The following PAWR variants were observed in gnomAD, a reference collection of about 807,000 sequenced individuals.
PAWR encodes pro-apoptotic WT1 regulator.
PAWR carries 23 observed loss-of-function variants against 32.0 expected under a neutral mutation model. That is an observed-to-expected ratio of 0.72 (90% CI 0.52 to 1.02). The LOEUF (loss-of-function observed/expected upper bound fraction) is 1.02, where lower values mean the gene tolerates loss of function less well. Among genes scored for constraint, PAWR ranks in the 50% least tolerant of loss-of-function variants. The pLI, the probability that PAWR is intolerant of heterozygous loss-of-function variation, is 0.00. For synonymous variants in PAWR, 226 were observed against 187.1 expected (o/e 1.21, Z -1.70); for missense variants, 457 against 437.7 (o/e 1.04, Z -0.39).
intron 2 of PAWR, among the ~76,000 whole-genome samples, chr12:79,644,647 CCTG>C (rs1272331113): frequency 3.3e-5 from 5 of 152,226 alleles, no homozygotes; most frequent in African/African-American, 1.2e-4. Flanking sequence ...TAGAAAGCTT[CCTG>C]CTTTTTTATT....
In PAWR at chr12:79,585,293, T is replaced by C. The variant is rs1873355607; in HGVS notation, c.*7314A>G. The C allele has an allele frequency of 6.5e-6, 2 of 309,118 alleles. No individual in the cohort carries two copies. Among genetic ancestry groups the C allele is most frequent in the Non-Finnish European group, 1.2e-5 (2 of 161,052 alleles). 19.1% of individuals were successfully genotyped at this position (309,118 alleles called of 1,614,324 possible). On this transcript the variant is annotated 3_prime_UTR_variant, in exon 7 of 7. Coordinates refer to ENST00000328827, the MANE Select transcript of PAWR (RefSeq NM_002583.4). ...AACTTAGGCCTGCATCAAAATTACA[T>C]GAAGCGCTTGTTAAAACAGATTGAG... is the stretch of plus-strand genomic sequence containing the variant.
rs1878954809 is a variant in PAWR at position 79,690,397 on chromosome 12, G to A, written c.-147-6C>T. 8.2e-6 allele frequency: 11 copies of A among 1,335,844 alleles called. No individual in the cohort carries two copies. The highest frequency in any genetic ancestry group is 3.9e-5 in the Admixed American group (1 of 25,644). 82.7% of individuals were successfully genotyped at this position (1,335,844 alleles called of 1,614,324 possible). A position where few individuals can be genotyped will look rare whatever the true frequency, so the allele number is the denominator to read the frequency against. On this transcript the variant is annotated splice_polypyrimidine_tract_variant and splice_region_variant and intron_variant, in intron 1 of 6. Coordinates refer to ENST00000328827, the MANE Select transcript of PAWR (RefSeq NM_002583.4). ...TCCCACAGCAGCCGGCGGGGCTGAG[G>A]TGAAAGACAAAAGGGGGCGGGTAAG...
intron 2 of PAWR, among the ~76,000 whole-genome samples, chr12:79,670,952 T>G: frequency 6.6e-6 from 1 of 150,674 alleles, no homozygotes; most frequent in Non-Finnish European, 1.5e-5. Flanking sequence ...AGCTAAGTAT[T>G]AAGGATACTA....
rs116092008 is a variant in PAWR at position 79,665,651 on chromosome 12, T to C, written c.516+24078A>G. 4.8e-3 allele frequency among the ~76,000 whole-genome samples: 738 copies of C among 152,322 alleles called. 7 individuals carry two copies. Among genetic ancestry groups the C allele is most frequent in the African/African-American group, 0.017 (701 of 41,580 alleles). On this transcript the variant is annotated intron_variant, in intron 2 of 6. Coordinates refer to ENST00000328827, the MANE Select transcript of PAWR (RefSeq NM_002583.4). ...AGAACTGAAATTTCATTATGCCTAATTAACCTATTACTTACACTACTCTGA... is the reference window on the plus strand; with the variant it reads ...AGAACTGAAATTTCATTATGCCTAACTAACCTATTACTTACACTACTCTGA...
chr12:79,679,959 T>C (rs1420723992), intron 2 of PAWR, among the ~76,000 whole-genome samples: 1 of 152,230 alleles, frequency 6.6e-6, no homozygotes, highest in East Asian at 1.9e-4. Context: ...ACCTTTCCTC[T>C]ATGTCATTAC....
chr12:79,648,961 T>C (rs1458838678), intron 2 of PAWR, among the ~76,000 whole-genome samples: 3 of 152,208 alleles, frequency 2.0e-5, no homozygotes, highest in Non-Finnish European at 4.4e-5. Flanking sequence ...CTCTGACTAC[T>C]AAAGGCTATA....
intron 2 of PAWR, among the ~76,000 whole-genome samples, chr12:79,655,087 T>C (rs1221129789): frequency 6.6e-6 from 1 of 152,208 alleles, no homozygotes; most frequent in Non-Finnish European, 1.5e-5. Context: ...AAAGTATAAA[T>C]TTGCTTAGGT....
At chr12:79,633,116 C>T (rs1383812486) in intron 2 of PAWR, among the ~76,000 whole-genome samples, 2 of 151,988 alleles carry the variant, frequency 1.3e-5, no homozygotes, top group Non-Finnish European at 1.5e-5. Context: ...AAGAGAGAGA[C>T]TCTGTCTCAA....
intron 2 of PAWR, among the ~76,000 whole-genome samples, chr12:79,686,692 G>A (rs538107742): frequency 6.6e-6 from 1 of 152,268 alleles, no homozygotes; most frequent in South Asian, 2.1e-4. Context: ...ATGTACATAT[G>A]TGAGAACATA....
intron 2 of PAWR, among the ~76,000 whole-genome samples, chr12:79,622,101 G>A (rs1180540323): frequency 6.6e-6 from 1 of 152,022 alleles, no homozygotes; most frequent in Non-Finnish European, 1.5e-5. Flanking sequence ...ATAACAGTAT[G>A]GCAGTGAAGA....
intron 2 of PAWR, among the ~76,000 whole-genome samples, chr12:79,644,489 G>A (rs1876478083): frequency 6.6e-6 from 1 of 152,122 alleles, no homozygotes; most frequent in Admixed American, 6.6e-5. Context: ...TAGGACACTA[G>A]AAGGTAAACA....
chr12:79,690,375 C>T lies in PAWR; in HGVS notation c.-131G>A, dbSNP rs1878952923. On this transcript the variant is annotated 5_prime_UTR_variant, in exon 2 of 7. Coordinates refer to ENST00000328827, the MANE Select transcript of PAWR (RefSeq NM_002583.4). ...CCAGGAGAGGGACGGCCGCCGCTCCCACAGCAGCCGGCGGGGCTGAGGTGA... is the reference window on the plus strand; with the variant it reads ...CCAGGAGAGGGACGGCCGCCGCTCCTACAGCAGCCGGCGGGGCTGAGGTGA... 7.4e-7 allele frequency: 1 copy of T among 1,348,618 alleles called. No homozygotes were observed. The highest frequency in any genetic ancestry group is 9.5e-7 in the Non-Finnish European group (1 of 1,054,896). The allele number at this position is 1,348,618 out of a possible 1,614,324, so 83.5% of individuals were successfully genotyped here. A position where few individuals can be genotyped will look rare whatever the true frequency, so the allele number is the denominator to read the frequency against.
intron 2 of PAWR, among the ~76,000 whole-genome samples, chr12:79,661,565 A>C (rs1877352624): frequency 6.6e-6 from 1 of 152,192 alleles, no homozygotes; most frequent in Non-Finnish European, 1.5e-5. Flanking sequence ...ATAATGTTTT[A>C]AGCCGTAAGA....
intron 4 of PAWR, among the ~76,000 whole-genome samples, chr12:79,605,800 G>A (rs1311185706): frequency 2.6e-5 from 4 of 152,148 alleles, no homozygotes; most frequent in Non-Finnish European, 5.9e-5. Flanking sequence ...TTGGCCAGGT[G>A]CAGTGGCTCA....
chr12:79,667,786 T>TG (rs1877683109), intron 2 of PAWR, among the ~76,000 whole-genome samples: 1 of 152,132 alleles, frequency 6.6e-6, no homozygotes. Context: ...CAATAAAAAT[T>TG]GGAGGAAATC....
chr12:79,655,702 G>A (rs915070771), intron 2 of PAWR, among the ~76,000 whole-genome samples: 12 of 152,154 alleles, frequency 7.9e-5, no homozygotes, highest in East Asian at 1.9e-4. Context: ...CTTGTGGTCC[G>A]TAAATTTAGA....
At chr12:79,629,351 G>A (rs1330629051) in intron 2 of PAWR, among the ~76,000 whole-genome samples, 12 of 152,044 alleles carry the variant, frequency 7.9e-5, no homozygotes, top group East Asian at 1.9e-4. Context: ...CAGTCTTATC[G>A]AAGTAGATTA....
intron 2 of PAWR, among the ~76,000 whole-genome samples, chr12:79,634,081 A>C (rs1875845246): frequency 6.6e-6 from 1 of 152,164 alleles, no homozygotes; most frequent in East Asian, 1.9e-4. Flanking sequence ...GAAATCCCCA[A>C]ATACAGTTTA....
At chr12:79,625,151 AG>A (rs1440982895) in intron 2 of PAWR, among the ~76,000 whole-genome samples, 4 of 152,160 alleles carry the variant, frequency 2.6e-5, no homozygotes, top group Non-Finnish European at 5.9e-5. Context: ...TATGGTTAAG[AG>A]TCATTTGCAT....
Sources: allele counts gnomAD v4.1 joint callset (sites outside exome capture counted in the v4.1 genomes callset), GRCh38; gene constraint gnomAD v4.1.1; transcripts MANE v1.5; gene names NCBI Gene and HGNC (gene_info 2026-07-23, HGNC 2026-07-21).